PGM5: variants seen among roughly 807,000 people sequenced by gnomAD.
PGM5 encodes phosphoglucomutase 5.
In PGM5, 23 loss-of-function variants were observed where a neutral mutation model predicts 59.2. The ratio of observed to expected loss-of-function variants is 0.39; its 90% CI spans 0.28 to 0.55. PGM5 has a LOEUF of 0.55. PGM5 is among the 20% of genes least tolerant of loss of function. The pLI is 0.66. For missense variants in PGM5, 574 were observed against 748.3 expected (o/e 0.77, Z 2.72); for synonymous variants, 214 against 286.0 (o/e 0.75, Z 2.54).
At chr9:68,367,978 A>C (rs1350771491) in intron 1 of PGM5, among the ~76,000 whole-genome samples, 1 of 152,058 alleles carries the variant, frequency 6.6e-6, no homozygotes, top group Non-Finnish European at 1.5e-5. Flanking sequence ...TGTTTTGGGG[A>C]TATATATTTA....
intron 9 of PGM5, among the ~76,000 whole-genome samples, chr9:68,485,223 G>A (rs1482391422): frequency 6.6e-6 from 1 of 152,106 alleles, no homozygotes; most frequent in Non-Finnish European, 1.5e-5. Context: ...GGCCAGTTCT[G>A]CAACTGTATC....
chr9:68,467,381 T>G (rs548539138), intron 7 of PGM5, among the ~76,000 whole-genome samples: 1 of 152,310 alleles, frequency 6.6e-6, no homozygotes, highest in South Asian at 2.1e-4. Flanking sequence ...CTCCTTGGAG[T>G]GGCTCTTTGG....
chr9:68,437,783 A>G lies in PGM5; in HGVS notation c.1044-27310A>G. On this transcript the variant is annotated intron_variant, in intron 6 of 10. Coordinates refer to ENST00000396396, the MANE Select transcript of PGM5 (RefSeq NM_021965.4). The surrounding 1 kb of genome is among the most constrained non-coding windows in gnomAD (Gnocchi z 4.1). ...ATATAAAAATCCAAGTTGTTGTGGT[A>G]TTATTGAAAAATTGCAGTTCTGGCA... Among the ~76,000 whole-genome samples, 1 of 152,186 alleles carries G rather than the reference A, an allele frequency of 6.6e-6. No individual in the cohort carries two copies. Among genetic ancestry groups the G allele is most frequent in the East Asian group, 1.9e-4 (1 of 5,198 alleles).
chr9:68,411,079 A>G (rs1456527879), intron 6 of PGM5, among the ~76,000 whole-genome samples: 2 of 152,106 alleles, frequency 1.3e-5, no homozygotes, highest in Non-Finnish European at 2.9e-5. Flanking sequence ...AGTCAGGGAA[A>G]CTTTTCCAGA....
rs1665340 is a variant in PGM5, at chr9:68,368,424, G to A, written c.262-9775G>A. ...CATTGATCAGGTAGCAAGCCGGTTC[G>A]GCAGTGCCAGTCGGAGACACAGATG... On this transcript the variant is annotated intron_variant, in intron 1 of 10. Transcript: ENST00000396396. 1.3e-4 allele frequency among the ~76,000 whole-genome samples: 19 copies of A among 150,232 alleles called. No individual in the cohort carries two copies. The South Asian group carries it at 3.8e-3, about 30-fold the overall frequency.
Position 68,527,179 on chromosome 9 carries a change from A to G in PGM5, c.1615-2388A>G, listed in dbSNP as rs370908131. Among the ~76,000 whole-genome samples the G allele has an allele frequency of 3.9e-5, 6 of 152,364 alleles. No individual in the cohort carries two copies. The East Asian group carries it at 9.6e-4, about 24-fold the overall frequency. On this transcript the variant is annotated intron_variant, in intron 10 of 10. Transcript: ENST00000396396. ...AACTTGCTTCCCCGCCCTTTTGCCAATAGGTACCACCACTTAAAGATGTGG... is the reference window on the plus strand; with the variant it reads ...AACTTGCTTCCCCGCCCTTTTGCCAGTAGGTACCACCACTTAAAGATGTGG...
chr9:68,445,717 T>G (rs1554683966), intron 6 of PGM5, among the ~76,000 whole-genome samples: 1 of 152,214 alleles, frequency 6.6e-6, no homozygotes, highest in Admixed American at 6.5e-5. Flanking sequence ...CCTTTTCAAA[T>G]TCTATGTATT....
intron 10 of PGM5, among the ~76,000 whole-genome samples, chr9:68,500,730 T>C (rs1392040947): frequency 2.6e-5 from 4 of 152,226 alleles, no homozygotes; most frequent in South Asian, 2.1e-4. Context: ...AGTCCAGAGC[T>C]ACGTACGTGA....
At chr9:68,446,068 G>C (rs1823606496) in intron 6 of PGM5, among the ~76,000 whole-genome samples, 1 of 152,168 alleles carries the variant, frequency 6.6e-6, no homozygotes, top group African/African-American at 2.4e-5. Context: ...GAGTTCCTTG[G>C]CTTTTTGAGG....
chr9:68,411,488 G>GTGTATATATATA (rs1554681602), intron 6 of PGM5, among the ~76,000 whole-genome samples: 2 of 140,722 alleles, frequency 1.4e-5, no homozygotes, highest in Admixed American at 7.2e-5. Flanking sequence ...GTGTGTGTGT[G>GTGTATATATATA]TATATATATA....
chr9:68,528,989 C>T (rs1377664811), intron 10 of PGM5, among the ~76,000 whole-genome samples: 1 of 152,110 alleles, frequency 6.6e-6, no homozygotes, highest in Non-Finnish European at 1.5e-5. Flanking sequence ...AAAGCATGCC[C>T]ACCTCCTCCA....
chr9:68,428,990 C>G (rs1415943309), intron 6 of PGM5: 2 of 152,172 alleles, frequency 1.3e-5, no homozygotes, highest in African/African-American at 2.4e-5. Flanking sequence ...AATCTCTTAA[C>G]TTTTATGTCC....
At chr9:68,498,805 A>G in intron 9 of PGM5, 1 of 181,248 alleles carries the variant, frequency 5.5e-6, no homozygotes, top group Admixed American at 5.7e-5. Flanking sequence ...GGGTAACCTT[A>G]ATGTGGGCAA....
intron 6 of PGM5, among the ~76,000 whole-genome samples, chr9:68,462,834 C>T (rs1250806292): frequency 1.3e-5 from 2 of 152,088 alleles, no homozygotes; most frequent in South Asian, 2.1e-4. Context: ...ATTCTCTCTT[C>T]CTTGAGTTTC....
chr9:68,490,278 A>C (rs1824368235), intron 9 of PGM5, among the ~76,000 whole-genome samples: 1 of 152,218 alleles, frequency 6.6e-6, no homozygotes, highest in South Asian at 2.1e-4. Flanking sequence ...TTTAAGATTG[A>C]GTTCTTCTCT....
chr9:68,383,819 A>T (rs1554678592), intron 2 of PGM5, among the ~76,000 whole-genome samples: 1 of 151,592 alleles, frequency 6.6e-6, no homozygotes, highest in African/African-American at 2.4e-5. Context: ...TTAAAGTCTA[A>T]TACTACTTGT....
chr9:68,359,689 T>C (rs1834541633), intron 1 of PGM5, among the ~76,000 whole-genome samples: 1 of 152,250 alleles, frequency 6.6e-6, no homozygotes, highest in Admixed American at 6.5e-5. Context: ...TTTGATATCC[T>C]ATTGGATACT....
At chr9:68,475,562 A>G (rs1824090388) in intron 7 of PGM5, among the ~76,000 whole-genome samples, 1 of 151,962 alleles carries the variant, frequency 6.6e-6, no homozygotes. Flanking sequence ...CTGATTTTTC[A>G]TTTATTAAAA....
intron 10 of PGM5, among the ~76,000 whole-genome samples, chr9:68,515,963 C>T (rs774347133): frequency 2.0e-5 from 3 of 152,142 alleles, no homozygotes; most frequent in East Asian, 1.9e-4. Flanking sequence ...GTGCTTGCCC[C>T]GTATGGGGGC....
Sources: gnomAD v4.1 joint callset for allele counts (sites outside exome capture counted in the v4.1 genomes callset) on GRCh38, gnomAD v4.1.1 for gene constraint, Gnocchi (gnomAD v3.1) non-coding constraint, MANE v1.5 for transcripts, NCBI Gene and HGNC (gene_info 2026-07-23, HGNC 2026-07-21) for gene names.